FBXL17: variants seen among roughly 807,000 people sequenced by gnomAD.
FBXL17 encodes F-box and leucine rich repeat protein 17, also known as F-box/LRR-repeat protein 17.
FBXL17 carries 22 observed loss-of-function variants against 66.2 expected under a neutral mutation model. The ratio of observed to expected loss-of-function variants is 0.33; its 90% CI spans 0.24 to 0.47. The LOEUF is 0.47. Among genes scored for constraint, FBXL17 ranks in the 20% least tolerant of loss-of-function variants. The pLI, the probability that FBXL17 is intolerant of heterozygous loss-of-function variation, is 1.00. For synonymous variants in FBXL17, 474 were observed against 400.5 expected (o/e 1.18, Z -2.19); for missense variants, 878 against 948.2 (o/e 0.93, Z 0.97).
rs10641660 is a variant in FBXL17 at position 107,882,355 on chromosome 5, A to ATTT, written c.1823-1179_1823-1177dup. 1.5e-3 allele frequency among the ~76,000 whole-genome samples: 227 copies of ATTT among 148,382 alleles called. 2 individuals are homozygous for ATTT. Among genetic ancestry groups the ATTT allele is most frequent in the African/African-American group, 3.4e-3 (140 of 40,616 alleles). ...ATCTTTCTTTGCTAATTACCTCAGT[A>ATTT]TTTTTTTTTTTTACTAGAAAACTCA... On this transcript the variant is annotated intron_variant, in intron 7 of 8. Coordinates refer to ENST00000542267, the MANE Select transcript of FBXL17 (RefSeq NM_001163315.3).
At chr5:108,355,460 T>C (rs1221676184) in intron 3 of FBXL17, among the ~76,000 whole-genome samples, 1 of 151,990 alleles carries the variant, frequency 6.6e-6, no homozygotes, top group African/African-American at 2.4e-5. Flanking sequence ...TTTTTGTATT[T>C]TTAGTAGAGA....
intron 4 of FBXL17, among the ~76,000 whole-genome samples, chr5:108,246,641 T>C (rs76531442): frequency 0.012 from 1,804 of 152,346 alleles, 34 homozygotes; most frequent in African/African-American, 0.04. Context: ...CTGCTAACTC[T>C]AATAATCTCG....
chr5:108,269,188 C>T (rs957967034), intron 4 of FBXL17, among the ~76,000 whole-genome samples: 2 of 151,952 alleles, frequency 1.3e-5, no homozygotes, highest in Admixed American at 6.6e-5. Flanking sequence ...CCATCTTGTG[C>T]TTTTAAGGAG....
At chr5:107,937,256 C>T (rs1750938867) in intron 7 of FBXL17, among the ~76,000 whole-genome samples, 3 of 152,104 alleles carry the variant, frequency 2.0e-5, no homozygotes, top group Admixed American at 2.0e-4. Flanking sequence ...GTGAGATGCT[C>T]AGTCACCAAT....
intron 6 of FBXL17, among the ~76,000 whole-genome samples, chr5:108,072,398 C>A (rs762229912): frequency 2.0e-5 from 3 of 152,142 alleles, no homozygotes; most frequent in Non-Finnish European, 4.4e-5. Context: ...AGGGCACAAT[C>A]GACAGAAACG....
intron 5 of FBXL17, among the ~76,000 whole-genome samples, chr5:108,211,581 A>G (rs1003482746): frequency 5.3e-5 from 8 of 152,154 alleles, no homozygotes; most frequent in Admixed American, 5.2e-4. Context: ...TCCTTTGCTT[A>G]TGAAGCTTAG....
intron 7 of FBXL17, among the ~76,000 whole-genome samples, chr5:107,916,031 T>C (rs548583109): frequency 7.2e-5 from 11 of 152,334 alleles, no homozygotes; most frequent in Admixed American, 4.6e-4. Flanking sequence ...ATTTTTCTTC[T>C]TCTGATGGGG....
intron 6 of FBXL17, among the ~76,000 whole-genome samples, chr5:108,171,266 T>A (rs1477976720): frequency 2.0e-5 from 3 of 152,212 alleles, no homozygotes; most frequent in Non-Finnish European, 2.9e-5. Flanking sequence ...GACTCCAAGG[T>A]AAGTTTAACT....
At chr5:108,239,568 A>T (rs1755761466) in intron 4 of FBXL17, among the ~76,000 whole-genome samples, 1 of 152,182 alleles carries the variant, frequency 6.6e-6, no homozygotes, top group Non-Finnish European at 1.5e-5. Flanking sequence ...GAGTTTTGGC[A>T]AGCCTCCTAC....
intron 4 of FBXL17, among the ~76,000 whole-genome samples, chr5:108,302,806 G>C (rs1758653677): frequency 6.6e-6 from 1 of 151,696 alleles, no homozygotes; most frequent in Non-Finnish European, 1.5e-5. Flanking sequence ...AAAAACCTAT[G>C]TTGAAATACA....
intron 7 of FBXL17, among the ~76,000 whole-genome samples, chr5:107,956,743 C>T (rs1751679716): frequency 6.6e-6 from 1 of 152,100 alleles, no homozygotes; most frequent in Admixed American, 6.6e-5. Context: ...AAACTGACTA[C>T]TCTGGGGTGG....
intron 5 of FBXL17, among the ~76,000 whole-genome samples, chr5:108,199,705 C>T (rs977490028): frequency 6.6e-6 from 1 of 151,960 alleles, no homozygotes; most frequent in Non-Finnish European, 1.5e-5. Flanking sequence ...CCAATATTCT[C>T]TTAAAGAAAA....
At chr5:108,135,999 A>G (rs1174134014) in intron 6 of FBXL17, among the ~76,000 whole-genome samples, 3 of 152,158 alleles carry the variant, frequency 2.0e-5, no homozygotes, top group Non-Finnish European at 4.4e-5. Context: ...TCAATGAATG[A>G]GCAACAATGG....
intron 7 of FBXL17, among the ~76,000 whole-genome samples, chr5:107,942,181 C>A (rs1580732790): frequency 6.6e-6 from 1 of 152,250 alleles, no homozygotes; most frequent in East Asian, 1.9e-4. Context: ...CTTCAGAGTG[C>A]CTAACATGCC....
chr5:107,984,236 A>G (rs1752933673), intron 7 of FBXL17, among the ~76,000 whole-genome samples: 1 of 152,186 alleles, frequency 6.6e-6, no homozygotes, highest in African/African-American at 2.4e-5. Flanking sequence ...AGGTAAGCTC[A>G]GGTATTTAAA....
At chr5:107,973,915 A>G (rs765148431) in intron 7 of FBXL17, among the ~76,000 whole-genome samples, 2 of 151,650 alleles carry the variant, frequency 1.3e-5, no homozygotes, top group African/African-American at 2.4e-5. Context: ...TTAGTGATAA[A>G]GAGTAGCAAC....
intron 7 of FBXL17, among the ~76,000 whole-genome samples, chr5:107,924,285 T>C (rs1477903879): frequency 2.0e-5 from 3 of 152,102 alleles, no homozygotes; most frequent in Admixed American, 2.0e-4. Flanking sequence ...AAGATCACTT[T>C]ATTTGTCTGC....
chr5:108,209,159 T>A (rs1420304204), intron 5 of FBXL17, among the ~76,000 whole-genome samples: 1 of 152,208 alleles, frequency 6.6e-6, no homozygotes, highest in Non-Finnish European at 1.5e-5. Flanking sequence ...GCACATTGAT[T>A]TTGTATCCTG....
intron 6 of FBXL17, 41 bp downstream of exon 6, chr5:108,186,076 T>C (rs1400635775): frequency 6.7e-6 from 10 of 1,494,192 alleles, no homozygotes; most frequent in Non-Finnish European, 8.3e-6. Flanking sequence ...TCCTAAATGT[T>C]TTCCTCTAGA....
Sources: allele counts gnomAD v4.1 joint callset (sites outside exome capture counted in the v4.1 genomes callset), GRCh38; gene constraint gnomAD v4.1.1; transcripts MANE v1.5; gene names NCBI Gene and HGNC (gene_info 2026-07-23, HGNC 2026-07-21).